Variants in CSNK2A2IP observed in about 807,000 individuals in gnomAD.
CSNK2A2IP encodes casein kinase II subunit alpha'-interacting protein.
At chr3:88,384,992 G>T in the CSNK2A2IP span, among the ~76,000 whole-genome samples, 20 of 152,300 alleles carry the variant, frequency 1.3e-4, no homozygotes, top group South Asian at 2.1e-4. Context: ...ACTAACCTAA[G>T]ACATCCAAGT....
chr3:88,438,512 T>C, the CSNK2A2IP span, among the ~76,000 whole-genome samples: 2 of 152,038 alleles, frequency 1.3e-5, no homozygotes, highest in African/African-American at 4.8e-5. Flanking sequence ...CCTAAAAAAA[T>C]TTTCTGACCT....
the CSNK2A2IP span, among the ~76,000 whole-genome samples, chr3:88,357,681 A>G: frequency 6.6e-6 from 1 of 152,094 alleles, no homozygotes; most frequent in Non-Finnish European, 1.5e-5. Context: ...AGTATGGACA[A>G]TTTAACAATA....
At chr3:88,400,172 G>A in the CSNK2A2IP span, among the ~76,000 whole-genome samples, 3 of 152,118 alleles carry the variant, frequency 2.0e-5, no homozygotes, top group African/African-American at 7.2e-5. Context: ...TAAGACTTCA[G>A]AGAAATGTTA....
the CSNK2A2IP span, among the ~76,000 whole-genome samples, chr3:88,441,915 T>C: frequency 0.013 from 2,009 of 152,264 alleles, 37 homozygotes; most frequent in African/African-American, 0.046. Flanking sequence ...GATAGAGATC[T>C]GGTGAAAAAG....
chr3:88,454,871 G>A, the CSNK2A2IP span, among the ~76,000 whole-genome samples: 2 of 151,650 alleles, frequency 1.3e-5, no homozygotes, highest in Non-Finnish European at 3.0e-5. Context: ...TATACCCTAT[G>A]ACCAATATCT....
At chr3:88,387,966 A>C in the CSNK2A2IP span, among the ~76,000 whole-genome samples, 2 of 152,120 alleles carry the variant, frequency 1.3e-5, no homozygotes, top group African/African-American at 2.4e-5. Flanking sequence ...GCCTCAAATG[A>C]TCCTCCTGCC....
chr3:88,357,865 C>T, the CSNK2A2IP span, among the ~76,000 whole-genome samples: 1 of 151,670 alleles, frequency 6.6e-6, no homozygotes, highest in Admixed American at 6.6e-5. Context: ...AGCGATCCTC[C>T]CACCTCAGCC....
chr3:88,395,332 T>C, the CSNK2A2IP span, among the ~76,000 whole-genome samples: 1 of 152,226 alleles, frequency 6.6e-6, no homozygotes, highest in African/African-American at 2.4e-5. Flanking sequence ...ATGATCCATT[T>C]CAGGTAATTT....
At chr3:88,383,776 G>C in the CSNK2A2IP span, among the ~76,000 whole-genome samples, 2 of 145,870 alleles carry the variant, frequency 1.4e-5, no homozygotes, top group East Asian at 2.1e-4. Flanking sequence ...CCATTCTCCT[G>C]CTTCAGCCTC....
the CSNK2A2IP span, among the ~76,000 whole-genome samples, chr3:88,347,528 T>C: frequency 7.2e-5 from 11 of 152,094 alleles, no homozygotes; most frequent in Admixed American, 7.2e-4. Flanking sequence ...ATTCATGGAA[T>C]GCTCTGATGA....
At chr3:88,411,379 GTCTA>G in the CSNK2A2IP span, among the ~76,000 whole-genome samples, 49,273 of 143,376 alleles carry the variant, frequency 0.34, 8,650 homozygotes, top group Admixed American at 0.46. Flanking sequence ...CTATCTATCT[GTCTA>G]TCTATCTATC....
chr3:88,415,325 T>A, the CSNK2A2IP span, among the ~76,000 whole-genome samples: 3 of 152,138 alleles, frequency 2.0e-5, no homozygotes, highest in Admixed American at 2.0e-4. Flanking sequence ...TTCAAGGCAC[T>A]GATATAGCAG....
chr3:88,451,375 G>A, the CSNK2A2IP span, among the ~76,000 whole-genome samples: 4 of 150,386 alleles, frequency 2.7e-5, no homozygotes, highest in Non-Finnish European at 5.9e-5. Flanking sequence ...CCATTTTTAT[G>A]TCTTCTTTGG....
the CSNK2A2IP span, among the ~76,000 whole-genome samples, chr3:88,455,894 G>C: frequency 9.0e-6 from 1 of 110,906 alleles, no homozygotes; most frequent in Non-Finnish European, 2.0e-5. Context: ...CTAAGAGAAG[G>C]GTCCTATTTA....
chr3:88,463,440 G>A, the CSNK2A2IP span, among the ~76,000 whole-genome samples: 1 of 152,046 alleles, frequency 6.6e-6, no homozygotes. Flanking sequence ...TTTTTAGGAA[G>A]CTTCTATAGT....
At chr3:88,365,217 T>A in the CSNK2A2IP span, among the ~76,000 whole-genome samples, 1 of 152,306 alleles carries the variant, frequency 6.6e-6, no homozygotes, top group Non-Finnish European at 1.5e-5. Context: ...AGAACATTAC[T>A]GTTAACAATA....
chr3:88,407,317 A>C, the CSNK2A2IP span, among the ~76,000 whole-genome samples: 2 of 144,142 alleles, frequency 1.4e-5, no homozygotes, highest in African/African-American at 5.1e-5. Flanking sequence ...AAAAAAGGAG[A>C]GGGAGGGTCT....
the CSNK2A2IP span, among the ~76,000 whole-genome samples, chr3:88,436,233 G>T: frequency 6.6e-6 from 1 of 151,928 alleles, no homozygotes; most frequent in Non-Finnish European, 1.5e-5. Context: ...AATTTTAAGT[G>T]GTAACATATT....
the CSNK2A2IP span, among the ~76,000 whole-genome samples, chr3:88,386,048 A>T: frequency 6.6e-6 from 1 of 152,176 alleles, no homozygotes; most frequent in East Asian, 1.9e-4. Context: ...TTCATTTGGG[A>T]GATGTAAAAC....
Sources: allele counts gnomAD v4.1 joint callset (sites outside exome capture counted in the v4.1 genomes callset), GRCh38; gene constraint gnomAD v4.1.1; transcripts MANE v1.5; gene names NCBI Gene and HGNC (gene_info 2026-07-23, HGNC 2026-07-21).